The following GSTA4 variants were observed in gnomAD, a reference collection of about 807,000 sequenced individuals.
The protein encoded by GSTA4 is glutathione S-transferase A4.
Under a neutral mutation model 24.4 loss-of-function variants are expected in GSTA4, and 15 were observed. The ratio of observed to expected loss-of-function variants is 0.61; its 90% CI spans 0.41 to 0.95. The LOEUF (loss-of-function observed/expected upper bound fraction) is 0.95, where lower values mean the gene tolerates loss of function less well. Ranked by LOEUF, GSTA4 falls within the 40% of genes least tolerant of loss-of-function variation. The pLI is 0.00. For missense variants in GSTA4, 244 were observed against 262.1 expected, an observed-to-expected ratio of 0.93 and a Z score of 0.48; for synonymous variants, 92 against 94.2, an observed-to-expected ratio of 0.98 and a Z score of 0.13.
Position 52,978,125 on chromosome 6 carries a change from A to G in GSTA4, c.*345T>C, listed in dbSNP as rs185167676. The G allele has an allele frequency of 1.2e-4, 28 of 234,238 alleles. 1 individual carries two copies. The East Asian group carries it at 3.8e-3, about 32-fold the overall frequency. 14.5% of individuals were successfully genotyped at this position (234,238 alleles called of 1,614,324 possible). On this transcript the variant is annotated 3_prime_UTR_variant, in exon 7 of 7. Coordinates refer to ENST00000370963, the MANE Select transcript of GSTA4 (RefSeq NM_001512.4). ...TAAGAGAACAGGATAAGGAGAGCAG[A>G]AAGACGCTCAGGAGAGTAGAAAGAC...
At chr6:52,991,642 G>A (rs774925727) in intron 2 of GSTA4, among the ~76,000 whole-genome samples, 1 of 152,130 alleles carries the variant, frequency 6.6e-6, no homozygotes, top group South Asian at 2.1e-4. Flanking sequence ...ACACCTGGAG[G>A]GTAAGTAAAC....
chr6:52,978,484 T>C lies in GSTA4; in HGVS notation c.655A>G (p.Ile219Val), dbSNP rs757631115. ...GATGTGTTGTTTTATGGCCTAAAGA[T>C]GTTGTAGACGGTTCTCACATAAATT... ...DEIYVRTVYN[I>V]FRP Residue 219 changes from isoleucine (I) to valine (V), a missense_variant, in exon 7 of 7, where the codon ATC becomes GTC. Transcript: ENST00000370963. 1.2e-6 allele frequency: 2 copies of C among 1,613,386 alleles called. No individual in the cohort carries two copies. Among genetic ancestry groups the C allele is most frequent in the Middle Eastern group, 1.6e-4 (1 of 6,062 alleles).
chr6:52,982,513 T>C lies in GSTA4; in HGVS notation c.546+61A>G, dbSNP rs316134. On this transcript the variant is annotated intron_variant, in intron 6 of 6. Transcript: ENST00000370963. ...ACACTCCCCAAAGCCAACCAAACAA[T>C]AGACACTGAAGGAAGGCCCAAGAGT... is the stretch of plus-strand genomic sequence containing the variant. 7,322 of 1,280,538 alleles carry C rather than the reference T, an allele frequency of 5.7e-3. 251 individuals are homozygous for C. The African/African-American group carries it at 0.084, about 15-fold the overall frequency. The allele number at this position is 1,280,538 out of a possible 1,614,324, so 79.3% of individuals were successfully genotyped here.
chr6:52,988,130 A>C (rs1349179670), intron 2 of GSTA4: 1 of 152,190 alleles, frequency 6.6e-6, no homozygotes, highest in Non-Finnish European at 1.5e-5. Flanking sequence ...CCAGAAAGCA[A>C]GGAAGTGCTC....
chr6:52,984,721 C>G, intron 4 of GSTA4, 116 bp from the exon 5 acceptor site: 7 of 844,078 alleles, frequency 8.3e-6, no homozygotes, highest in Middle Eastern at 2.8e-4. Flanking sequence ...AACTTAAGTC[C>G]CTAGAAGCAT....
intron 6 of GSTA4, among the ~76,000 whole-genome samples, chr6:52,981,410 A>G (rs1348661666): frequency 2.0e-5 from 3 of 152,228 alleles, no homozygotes; most frequent in Admixed American, 6.5e-5. Flanking sequence ...CAGTCAGCAA[A>G]TATTTTAAGT....
Position 52,987,360 on chromosome 6 carries a change from C to T in GSTA4, c.136G>A (p.Asp46Asn). 6.3e-7 allele frequency: 1 copy of T among 1,585,650 alleles called. No homozygotes were observed. Among genetic ancestry groups the T allele is most frequent in the Non-Finnish European group, 8.6e-7 (1 of 1,158,560 alleles). The part of the protein sequence containing the change: ...ETKEQLYKLQ[D>N]GNHLLFQQVP... The stretch of plus-strand genomic sequence containing the variant: ...GTTGTTTCATTTTCATACTCACCAT[C>T]CTGCAACTTGTACAACTGTTCTTTT... Residue 46 changes from aspartate to asparagine, a missense_variant, in exon 3 of 7, where the codon GAT becomes AAT. Transcript: ENST00000370963.
At chr6:52,981,328 T>C (rs1198748608) in intron 6 of GSTA4, among the ~76,000 whole-genome samples, 1 of 152,220 alleles carries the variant, frequency 6.6e-6, no homozygotes, top group African/African-American at 2.4e-5. Flanking sequence ...TTTGATAACT[T>C]GGTCAAACAT....
chr6:52,981,187 T>TTC (rs1274401999), intron 6 of GSTA4, among the ~76,000 whole-genome samples: 6 of 152,234 alleles, frequency 3.9e-5, no homozygotes, highest in Non-Finnish European at 8.8e-5. Flanking sequence ...TTTATTCTCA[T>TTC]TTTCTGGGTG....
chr6:52,981,717 G>A (rs981583778), intron 6 of GSTA4, among the ~76,000 whole-genome samples: 1 of 146,310 alleles, frequency 6.8e-6, no homozygotes, highest in Non-Finnish European at 1.5e-5. Flanking sequence ...AAAAGGCTAA[G>A]GTTCTAGATA....
intron 2 of GSTA4, 22 bp from the exon 3 acceptor site, chr6:52,987,430 G>T: frequency 1.6e-6 from 2 of 1,250,048 alleles, no homozygotes; most frequent in Non-Finnish European, 2.3e-6. Context: ...AAAAAGAAAC[G>T]TATATATACA....
At chr6:52,994,418 C>T (rs1486135829) in intron 1 of GSTA4, 157 bp from the exon 2 acceptor site, 2 of 553,664 alleles carry the variant, frequency 3.6e-6, no homozygotes, top group Non-Finnish European at 6.4e-6. Flanking sequence ...AAAAAAAAAC[C>T]ACCATTTTAA....
chr6:52,983,369 C>T (rs991696193), intron 5 of GSTA4, among the ~76,000 whole-genome samples: 1 of 152,142 alleles, frequency 6.6e-6, no homozygotes, highest in Non-Finnish European at 1.5e-5. Context: ...AGGGGAGATC[C>T]CCTTCACAGT....
At chr6:52,981,754 A>G (rs1763455106) in intron 6 of GSTA4, among the ~76,000 whole-genome samples, 2 of 152,244 alleles carry the variant, frequency 1.3e-5, no homozygotes, top group Non-Finnish European at 2.9e-5. Context: ...TGCCTAAGCC[A>G]GCTTGGCTGC....
At chr6:52,994,100 T>A in intron 2 of GSTA4, 57 bp downstream of exon 2, 2 of 1,164,630 alleles carry the variant, frequency 1.7e-6, no homozygotes, top group Non-Finnish European at 2.6e-6. Flanking sequence ...CGTATTTTTC[T>A]TTCAAAGGTC....
At chr6:52,990,519 T>A (rs1241257538) in intron 2 of GSTA4, among the ~76,000 whole-genome samples, 1 of 152,320 alleles carries the variant, frequency 6.6e-6, no homozygotes, top group African/African-American at 2.4e-5. Context: ...CTCTACCTGA[T>A]CAGCCTGTTC....
At chr6:52,993,142 T>C (rs1361863071) in intron 2 of GSTA4, among the ~76,000 whole-genome samples, 4 of 152,166 alleles carry the variant, frequency 2.6e-5, no homozygotes, top group African/African-American at 9.7e-5. Context: ...CAGTGAAATC[T>C]GAATAAAGTC....
intron 6 of GSTA4, among the ~76,000 whole-genome samples, chr6:52,980,672 CA>C (rs1205531542): frequency 6.6e-6 from 1 of 152,130 alleles, no homozygotes; most frequent in African/African-American, 2.4e-5. Flanking sequence ...TATTTGGGGC[CA>C]AAGGTACTTC....
At chr6:52,986,018 G>A (rs1032932853) in intron 3 of GSTA4, among the ~76,000 whole-genome samples, 4 of 152,108 alleles carry the variant, frequency 2.6e-5, no homozygotes, top group African/African-American at 9.6e-5. Context: ...GCCATTGCAC[G>A]CCTGGGCAAC....
Sources: gnomAD v4.1 joint callset for allele counts (sites outside exome capture counted in the v4.1 genomes callset) on GRCh38, gnomAD v4.1.1 for gene constraint, MANE v1.5 for transcripts, NCBI Gene and HGNC (gene_info 2026-07-23, HGNC 2026-07-21) for gene names.